Variants in MCAT observed in about 807,000 individuals in gnomAD.
MCAT encodes the protein malonyl-CoA-acyl carrier protein transacylase, mitochondrial.
In MCAT, 22 loss-of-function variants were observed where a neutral mutation model predicts 22.9. The ratio of observed to expected loss-of-function variants is 0.96; its 90% CI spans 0.69 to 1.37. The LOEUF (loss-of-function observed/expected upper bound fraction) is 1.37. Ranked by LOEUF, MCAT falls within the 40% of genes most tolerant of loss-of-function variation. The pLI, the probability that MCAT is intolerant of heterozygous loss-of-function variation, is 0.00. For missense variants in MCAT, 534 were observed against 533.6 expected (o/e 1.00, Z -0.01); for synonymous variants, 240 against 233.9 (o/e 1.03, Z -0.24).
chr22:43,135,772 C>T (rs73886406), intron 3 of MCAT, among the ~76,000 whole-genome samples: 6,192 of 152,190 alleles, frequency 0.041, 443 homozygotes, highest in African/African-American at 0.14. Flanking sequence ...TCAGAGGAGG[C>T]AGTTGAGGAC....
At chr22:43,133,807 CTTTTTTTTTT>C (rs59733103) in intron 3 of MCAT, among the ~76,000 whole-genome samples, 2 of 141,286 alleles carry the variant, frequency 1.4e-5, no homozygotes, top group South Asian at 2.3e-4. Flanking sequence ...AATGAGAATT[CTTTTTTTTTT>C]TTTTTTGAGA....
At chr22:43,134,762 C>T (rs529168139) in intron 3 of MCAT, among the ~76,000 whole-genome samples, 38 of 152,332 alleles carry the variant, frequency 2.5e-4, no homozygotes, top group African/African-American at 8.4e-4. Context: ...CTGACTCACC[C>T]GTGCTTCCCC....
In MCAT at chr22:43,137,161, A is replaced by G; in HGVS notation, c.649T>C (p.Ser217Pro). Residue 217 changes from serine (S) to proline (P), a missense_variant, in exon 3 of 4, where the codon TCT becomes CCT. Ser to Pro is a moderately conservative substitution (Grantham distance 74, BLOSUM62 -1). Coordinates refer to ENST00000290429, the MANE Select transcript of MCAT (RefSeq NM_173467.5). ...CATACGGGGTTCTCTATGCCTAAAGACTTGCAGTGTTCCCGGGCTTCCAAA... is the reference window on the plus strand; with the variant it reads ...CATACGGGGTTCTCTATGCCTAAAGGCTTGCAGTGTTCCCGGGCTTCCAAA... ...ACLEAREHCK[S>P]LGIENPVCEV... The G allele has an allele frequency of 6.2e-7, 1 of 1,614,142 alleles. No homozygotes were observed.
rs1178249176 is a variant in MCAT, at chr22:43,143,323, G to T, written c.26C>A (p.Ala9Glu). The change falls in exon 1 of 4, where the codon GCG becomes GAG. Residue 9 changes from alanine to glutamate, a missense_variant. Ala to Glu is a moderately radical substitution (Grantham distance 107). Coordinates refer to ENST00000290429, the MANE Select transcript of MCAT (RefSeq NM_173467.5). ...GCTGGCGCCCAAGCCCCTGACCCAC[G>T]CTACCCGTGCGACCCGGACGCTCAT... Reference protein sequence around the residue: MSVRVARVAWVRGLGASYR... With the variant: MSVRVARVEWVRGLGASYR... The T allele has an allele frequency of 2.1e-6, 3 of 1,397,480 alleles. No homozygotes were observed. Among genetic ancestry groups the T allele is most frequent in the Non-Finnish European group, 2.8e-6 (3 of 1,086,732 alleles). The allele number at this position is 1,397,480 out of a possible 1,614,324, so 86.6% of individuals were successfully genotyped here. A position where few individuals can be genotyped will look rare whatever the true frequency, so the allele number is the denominator to read the frequency against.
intron 2 of MCAT, among the ~76,000 whole-genome samples, chr22:43,138,854 C>G (rs556315713): frequency 6.6e-6 from 1 of 152,196 alleles, no homozygotes; most frequent in Admixed American, 6.5e-5. Context: ...ATTAAGGGAC[C>G]TGCACAGTGT....
intron 1 of MCAT, among the ~76,000 whole-genome samples, chr22:43,141,891 T>C (rs895895368): frequency 6.6e-6 from 1 of 152,202 alleles, no homozygotes; most frequent in Non-Finnish European, 1.5e-5. Context: ...AGCATTTTTA[T>C]CTCATCTGTG....
chr22:43,142,800 A>G (rs5759181), intron 1 of MCAT, 126 bp downstream of exon 1: 34 of 1,073,818 alleles, frequency 3.2e-5, no homozygotes, highest in Middle Eastern at 2.8e-4. Flanking sequence ...AACAAACAAA[A>G]AAAAAAACTC....
rs765368511 is a variant in MCAT at position 43,137,292 on chromosome 22, T to C, written c.518A>G (p.Tyr173Cys). The C allele has an allele frequency of 3.7e-6, 6 of 1,613,298 alleles. No homozygotes were observed. The highest frequency in any genetic ancestry group is 2.2e-5 in the East Asian group (1 of 44,886). The change falls in exon 3 of 4, where the codon TAT becomes TGT. Residue 173 changes from tyrosine (Y) to cysteine (C), a missense_variant. Physicochemically the swap from Tyr to Cys is radical, Grantham distance 194. Transcript: ENST00000290429. ...GGCCTCAGCTCGGATTTTCACTGCA[T>C]ACAAACCTGGCCAGAGAGAAGCGCA... is the stretch of plus-strand genomic sequence containing the variant. ...AGAMEFAEGL[Y>C]AVKIRAEAMQ...
Position 43,143,027 on chromosome 22 carries a change from G to A in MCAT, c.322C>T (p.His108Tyr), listed in dbSNP as rs1047455524. 2 of 1,609,752 alleles carry A rather than the reference G, an allele frequency of 1.2e-6. No homozygotes were observed. Among genetic ancestry groups the A allele is most frequent in the Non-Finnish European group, 1.7e-6 (2 of 1,178,836 alleles). Residue 108 changes from histidine to tyrosine, a missense_variant, in exon 1 of 4, where the codon CAC becomes TAC. His to Tyr is a moderately conservative substitution (Grantham distance 83). Transcript: ENST00000290429. Reference sequence around the variant, plus strand: ...CGGTCCAGGGTCTCCTGCGGCCCGTGCAGGCTCAGTTCCAGCAGGTCGTAG... The same window carrying A: ...CGGTCCAGGGTCTCCTGCGGCCCGTACAGGCTCAGTTCCAGCAGGTCGTAG... ...LGYDLLELSL[H>Y]GPQETLDRTV...
chr22:43,143,008 A>G lies in MCAT; in HGVS notation c.341T>C (p.Leu114Pro). 6.2e-7 allele frequency: 1 copy of G among 1,608,816 alleles called. No individual in the cohort carries two copies. The highest frequency in any genetic ancestry group is 8.5e-7 in the Non-Finnish European group (1 of 1,178,304). ...GGGCTGACAGTGCACGGTGCGGTCC[A>G]GGGTCTCCTGCGGCCCGTGCAGGCT... ...ELSLHGPQET[L>P]DRTVHCQPAI... The change falls in exon 1 of 4, where the codon CTG becomes CCG. Residue 114 changes from leucine to proline, a missense_variant. Coordinates refer to ENST00000290429, the MANE Select transcript of MCAT (RefSeq NM_173467.5).
chr22:43,136,361 T>G (rs956037722), intron 3 of MCAT, among the ~76,000 whole-genome samples: 1 of 152,212 alleles, frequency 6.6e-6, no homozygotes, highest in African/African-American at 2.4e-5. Context: ...CGGGCTGCAA[T>G]CTGCGCTCAC....
intron 3 of MCAT, among the ~76,000 whole-genome samples, chr22:43,134,996 C>T (rs139823528): frequency 1.3e-5 from 2 of 152,386 alleles, no homozygotes; most frequent in African/African-American, 4.8e-5. Flanking sequence ...TCTGGCTCAA[C>T]AGCTGAGCCC....
rs1007282806 is a variant in MCAT at position 43,137,221 on chromosome 22, G to A, written c.589C>T (p.Leu197Phe). The change falls in exon 3 of 4, where the codon CTC (leucine) becomes TTC (phenylalanine). Residue 197 changes from leucine to phenylalanine, a missense_variant. Coordinates refer to ENST00000290429, the MANE Select transcript of MCAT (RefSeq NM_173467.5). ...EAVPSGMLSV[L>F]GQPQSKFNFA... is the part of the protein sequence containing the mutation. The stretch of plus-strand genomic sequence containing the variant: ...TTGAACTTGGACTGAGGCTGGCCGA[G>A]GACAGACAGCATCCCACTGGGGACA... 1.2e-6 allele frequency: 2 copies of A among 1,614,208 alleles called. No homozygotes were observed. Among genetic ancestry groups the A allele is most frequent in the East Asian group, 2.2e-5 (1 of 44,890 alleles).
intron 3 of MCAT, among the ~76,000 whole-genome samples, chr22:43,133,962 C>T (rs1039823490): frequency 1.2e-4 from 19 of 152,048 alleles, no homozygotes; most frequent in Non-Finnish European, 2.5e-4. Context: ...CCCGCCACCA[C>T]GCCCGGCTAA....
intron 1 of MCAT, among the ~76,000 whole-genome samples, chr22:43,141,805 C>T (rs1204673107): frequency 6.6e-6 from 1 of 152,158 alleles, no homozygotes; most frequent in Admixed American, 6.6e-5. Flanking sequence ...CTCCTGACCT[C>T]GTGATGCACC....
chr22:43,138,380 T>C (rs1179135225), intron 2 of MCAT, among the ~76,000 whole-genome samples: 1 of 152,180 alleles, frequency 6.6e-6, no homozygotes, highest in Non-Finnish European at 1.5e-5. Flanking sequence ...CGAAAACCTA[T>C]GACTCCTGAT....
In MCAT at chr22:43,133,155, AGCT is replaced by A. The variant is rs1930499054; in HGVS notation, c.1058_1060del (p.Gln353del). ...GTTACAGCTCTTCAGGATGGCTCCC[AGCT>A]GCCTGCCAGGGCCTACTTCGAAAGT... On this transcript the variant is annotated inframe_deletion, in exon 4 of 4. Transcript: ENST00000290429. 1 of 1,614,112 alleles carries A rather than the reference AGCT, an allele frequency of 6.2e-7. No homozygotes were observed. The highest frequency in any genetic ancestry group is 1.7e-5 in the Admixed American group (1 of 60,004).
chr22:43,138,007 G>A (rs1381373566), intron 2 of MCAT, among the ~76,000 whole-genome samples: 2 of 151,402 alleles, frequency 1.3e-5, no homozygotes, highest in Admixed American at 6.6e-5. Context: ...AGGACGGCTT[G>A]AGCCCAAGGA....
chr22:43,140,218 C>T (rs1269801612), intron 2 of MCAT, among the ~76,000 whole-genome samples: 1 of 152,180 alleles, frequency 6.6e-6, no homozygotes, highest in Admixed American at 6.6e-5. Context: ...TGCTCTGTCA[C>T]CCATGCCGCA....
Sources: allele counts gnomAD v4.1 joint callset (sites outside exome capture counted in the v4.1 genomes callset), GRCh38; gene constraint gnomAD v4.1.1; transcripts MANE v1.5; gene names NCBI Gene and HGNC (gene_info 2026-07-23, HGNC 2026-07-21).